Variants in MTA3 observed in about 807,000 individuals in gnomAD.
The protein encoded by MTA3 is metastasis-associated protein MTA3.
MTA3 carries 34 observed loss-of-function variants against 83.5 expected under a neutral mutation model. The ratio of observed to expected loss-of-function variants is 0.41; its 90% CI spans 0.31 to 0.54. The LOEUF (loss-of-function observed/expected upper bound fraction) is 0.54, where lower values mean the gene tolerates loss of function less well. MTA3 is among the 20% of genes least tolerant of loss of function. The pLI is 0.33. For missense variants in MTA3, 761 were observed against 726.4 expected (o/e 1.05, Z -0.55); for synonymous variants, 303 against 252.7 (o/e 1.20, Z -1.89).
chr2:42,671,238 G>A (rs1345430562), intron 8 of MTA3, among the ~76,000 whole-genome samples: 1 of 151,888 alleles, frequency 6.6e-6, no homozygotes, highest in Non-Finnish European at 1.5e-5. Context: ...GTCCATCTAG[G>A]AGATTATATA....
chr2:42,680,708 C>T (rs7600465), intron 8 of MTA3, among the ~76,000 whole-genome samples: 1 of 151,988 alleles, frequency 6.6e-6, no homozygotes, highest in Non-Finnish European at 1.5e-5. Flanking sequence ...TTTTTCAAAC[C>T]TCGAAGTTTT....
At position 42,753,580 on chromosome 2, in the gene MTA3, T is replaced by C; in HGVS notation, c.*181T>C. The C allele has an allele frequency of 7.1e-7, 1 of 1,413,106 alleles. No individual in the cohort carries two copies. The highest frequency in any genetic ancestry group is 1.5e-5 in the South Asian group (1 of 66,250). 87.5% of individuals were successfully genotyped at this position (1,413,106 alleles called of 1,614,324 possible). On this transcript the variant is annotated 3_prime_UTR_variant, in exon 17 of 17. Coordinates refer to ENST00000405094, the MANE Select transcript of MTA3 (RefSeq NM_001330442.2). The stretch of plus-strand genomic sequence containing the variant: ...GTGGGAGTGCACGTTCCAAATCCTG[T>C]GTCTCCACGTGTGGATCAGCAGCAC...
chr2:42,720,460 C>T (rs1667326017), intron 15 of MTA3, among the ~76,000 whole-genome samples: 1 of 152,054 alleles, frequency 6.6e-6, no homozygotes, highest in Admixed American at 6.5e-5. Context: ...GGATTACAGG[C>T]ATGAGCCACT....
At chr2:42,690,311 A>G (rs1340578213) in intron 9 of MTA3, among the ~76,000 whole-genome samples, 1 of 152,224 alleles carries the variant, frequency 6.6e-6, no homozygotes, top group East Asian at 1.9e-4. Flanking sequence ...TTCATTTTTT[A>G]TGTAATTCAC....
At chr2:42,527,107 T>C (rs1675750023) in intron 2 of MTA3, among the ~76,000 whole-genome samples, 1 of 145,470 alleles carries the variant, frequency 6.9e-6, no homozygotes, top group South Asian at 2.2e-4. Flanking sequence ...GGACTAGAGG[T>C]TACAAATGTA....
chr2:42,562,063 C>G (rs1219469227), intron 2 of MTA3, among the ~76,000 whole-genome samples: 1 of 152,140 alleles, frequency 6.6e-6, no homozygotes, highest in Non-Finnish European at 1.5e-5. Flanking sequence ...ACCCCTGGCA[C>G]TCCTTGGTTT....
chr2:42,551,232 C>T (rs550627106), intron 2 of MTA3, among the ~76,000 whole-genome samples: 58 of 151,830 alleles, frequency 3.8e-4, no homozygotes, highest in Non-Finnish European at 4.7e-4. Context: ...GCTCTGTCGC[C>T]CAGGCTGTAG....
intron 4 of MTA3, among the ~76,000 whole-genome samples, chr2:42,614,621 T>A (rs572903496): frequency 6.6e-6 from 1 of 152,172 alleles, no homozygotes; most frequent in Non-Finnish European, 1.5e-5. Context: ...ACTCATTATA[T>A]TAATATATAA....
chr2:42,516,352 G>A (rs755896013), intron 2 of MTA3, among the ~76,000 whole-genome samples: 5 of 152,166 alleles, frequency 3.3e-5, no homozygotes, highest in African/African-American at 4.8e-5. Flanking sequence ...ATACTGCAAC[G>A]TTTTCCTTGG....
chr2:42,564,155 A>T (rs1558438117), upstream of MTA3, among the ~76,000 whole-genome samples: 1 of 152,146 alleles, frequency 6.6e-6, no homozygotes, highest in African/African-American at 2.4e-5. Context: ...GTAGTTAAAA[A>T]AGAGAAATAG....
chr2:42,507,929 G>A (rs550889122), intron 2 of MTA3, among the ~76,000 whole-genome samples: 9 of 151,142 alleles, frequency 6.0e-5, no homozygotes, highest in African/African-American at 2.2e-4. Context: ...CTGAGCAACG[G>A]CGTGAGTCTG....
chr2:42,705,661 G>A (rs1268056906), intron 12 of MTA3, among the ~76,000 whole-genome samples: 3 of 152,092 alleles, frequency 2.0e-5, no homozygotes. Flanking sequence ...AGCTGAGATT[G>A]CACCATTGCA....
intron 4 of MTA3, among the ~76,000 whole-genome samples, chr2:42,616,677 G>C (rs7571176): frequency 0.78 from 115,866 of 148,406 alleles, 45,961 homozygotes; most frequent in African/African-American, 0.92. Flanking sequence ...CTCCCTGGCT[G>C]AGATGATGCT....
At chr2:42,587,234 C>T (rs1025677657) in intron 3 of MTA3, among the ~76,000 whole-genome samples, 3 of 151,980 alleles carry the variant, frequency 2.0e-5, no homozygotes, top group African/African-American at 7.3e-5. Flanking sequence ...TAGTACAGAT[C>T]GCTGGAGGTT....
At chr2:42,571,777 ATC>A (rs1678513577) in intron 2 of MTA3, among the ~76,000 whole-genome samples, 1 of 151,570 alleles carries the variant, frequency 6.6e-6, no homozygotes, top group Non-Finnish European at 1.5e-5. Context: ...GAGAAACCCC[ATC>A]TCTACTAAAA....
At position 42,754,706 on chromosome 2, in the gene MTA3, G is replaced by C; in HGVS notation, c.*1307G>C. ...CCATCTCTGGGGTTACTAGGAGGCA[G>C]CTGGATGGCAGATACGAGAGGCCCA... On this transcript the variant is annotated 3_prime_UTR_variant, in exon 17 of 17. Coordinates refer to ENST00000405094, the MANE Select transcript of MTA3 (RefSeq NM_001330442.2). 2.4e-5 allele frequency: 24 copies of C among 985,544 alleles called. No homozygotes were observed. The highest frequency in any genetic ancestry group is 2.9e-5 in the Non-Finnish European group (24 of 829,978). 61.0% of individuals were successfully genotyped at this position (985,544 alleles called of 1,614,324 possible). A position where few individuals can be genotyped will look rare whatever the true frequency, so the allele number is the denominator to read the frequency against.
rs537207369 is a variant in MTA3 at position 42,744,015 on chromosome 2, T to A, written c.1760-9359T>A. Among the ~76,000 whole-genome samples the A allele has an allele frequency of 2.6e-5, 4 of 152,346 alleles. No homozygotes were observed. The South Asian group carries it at 8.3e-4, about 32-fold the overall frequency. ...CCTAGACTCACCTCTGCTCTCCTTG[T>A]CTCAAAGGGTAGTGTCATAACCTGG... On this transcript the variant is annotated intron_variant, in intron 16 of 16. Coordinates refer to ENST00000405094, the MANE Select transcript of MTA3 (RefSeq NM_001330442.2).
intron 6 of MTA3, among the ~76,000 whole-genome samples, chr2:42,653,809 G>A (rs1035864807): frequency 6.6e-6 from 1 of 152,148 alleles, no homozygotes; most frequent in South Asian, 2.1e-4. Flanking sequence ...GTAGTCTTAC[G>A]TTCAGGAGTA....
At position 42,754,690 on chromosome 2, in the gene MTA3, G is replaced by A. The variant is rs1670118490; in HGVS notation, c.*1291G>A. On this transcript the variant is annotated 3_prime_UTR_variant, in exon 17 of 17. Coordinates refer to ENST00000405094, the MANE Select transcript of MTA3 (RefSeq NM_001330442.2). ...GAGTCTGATCTCCCAGCCATCTCTG[G>A]GGTTACTAGGAGGCAGCTGGATGGC... is the stretch of plus-strand genomic sequence containing the variant. 3 of 985,506 alleles carry A rather than the reference G, an allele frequency of 3.0e-6. No homozygotes were observed. The highest frequency in any genetic ancestry group is 3.6e-6 in the Non-Finnish European group (3 of 829,970). The allele number at this position is 985,506 out of a possible 1,614,324, so 61.0% of individuals were successfully genotyped here. A position where few individuals can be genotyped will look rare whatever the true frequency, so the allele number is the denominator to read the frequency against.
Sources: allele counts gnomAD v4.1 joint callset (sites outside exome capture counted in the v4.1 genomes callset), GRCh38; gene constraint gnomAD v4.1.1; transcripts MANE v1.5; gene names NCBI Gene and HGNC (gene_info 2026-07-23, HGNC 2026-07-21).